The following ENTREP2 variants were observed in gnomAD, a reference collection of about 807,000 sequenced individuals.
ENTREP2 encodes the protein protein ENTREP2.
the ENTREP2 span, among the ~76,000 whole-genome samples, chr15:29,542,604 C>T: frequency 1.3e-5 from 2 of 152,206 alleles, no homozygotes; most frequent in Non-Finnish European, 2.9e-5. Context: ...GCGCCCGGCC[C>T]TCCTTAGCCA....
chr15:29,154,759 C>A, the ENTREP2 span, among the ~76,000 whole-genome samples: 2 of 152,222 alleles, frequency 1.3e-5, no homozygotes, highest in South Asian at 2.1e-4. Flanking sequence ...GTGTTCCAAT[C>A]TGTAACATCC....
chr15:29,165,440 A>G, the ENTREP2 span, among the ~76,000 whole-genome samples: 7 of 152,224 alleles, frequency 4.6e-5, no homozygotes, highest in African/African-American at 1.7e-4. Context: ...TAGTAAGATT[A>G]ACCAAGAAAA....
the ENTREP2 span, among the ~76,000 whole-genome samples, chr15:29,502,465 A>T: frequency 0.013 from 2,052 of 152,116 alleles, 38 homozygotes; most frequent in African/African-American, 0.047. Context: ...CCTAAATGTA[A>T]GGGCTATAAC....
chr15:29,331,363 TA>T, the ENTREP2 span, among the ~76,000 whole-genome samples: 607 of 152,026 alleles, frequency 4.0e-3, 3 homozygotes, highest in South Asian at 0.018. Context: ...CCTCTCATAC[TA>T]CCCTGTCATG....
the ENTREP2 span, among the ~76,000 whole-genome samples, chr15:29,348,103 A>C: frequency 0.12 from 17,639 of 152,190 alleles, 1,694 homozygotes; most frequent in African/African-American, 0.26. Flanking sequence ...CCAACCTTGC[A>C]CTAGAGTTTG....
chr15:29,511,759 G>A, the ENTREP2 span, among the ~76,000 whole-genome samples: 1 of 149,738 alleles, frequency 6.7e-6, no homozygotes, highest in East Asian at 2.0e-4. Flanking sequence ...TTCCAGCCTC[G>A]AAGGGTGCTC....
At chr15:29,126,847 G>A in the ENTREP2 span, among the ~76,000 whole-genome samples, 9 of 152,198 alleles carry the variant, frequency 5.9e-5, no homozygotes, top group Admixed American at 2.0e-4. Context: ...CCACCAGGTC[G>A]CGGCAGGCCA....
At chr15:29,378,520 C>T in the ENTREP2 span, among the ~76,000 whole-genome samples, 1 of 152,142 alleles carries the variant, frequency 6.6e-6, no homozygotes, top group African/African-American at 2.4e-5. Flanking sequence ...AGATTACCCT[C>T]CATAATGTAG....
chr15:29,451,966 T>C, the ENTREP2 span, among the ~76,000 whole-genome samples: 1 of 152,278 alleles, frequency 6.6e-6, no homozygotes, highest in African/African-American at 2.4e-5. Context: ...TAAGTAAATG[T>C]GTATTCACTA....
the ENTREP2 span, among the ~76,000 whole-genome samples, chr15:29,597,125 C>T: frequency 6.6e-6 from 1 of 151,918 alleles, no homozygotes; most frequent in Non-Finnish European, 1.5e-5. Context: ...CCTATTCAAT[C>T]ATCCCCCCAA....
the ENTREP2 span, among the ~76,000 whole-genome samples, chr15:29,478,808 G>A: frequency 6.6e-6 from 1 of 151,588 alleles, no homozygotes; most frequent in Non-Finnish European, 1.5e-5. Flanking sequence ...AGGAGGCTGA[G>A]GCAGGAGAAT....
chr15:29,163,468 A>G, the ENTREP2 span, among the ~76,000 whole-genome samples: 1 of 152,134 alleles, frequency 6.6e-6, no homozygotes, highest in African/African-American at 2.4e-5. Context: ...TTAAAGAAAA[A>G]AAAATAAATA....
At chr15:29,295,058 G>A in the ENTREP2 span, among the ~76,000 whole-genome samples, 16 of 152,348 alleles carry the variant, frequency 1.1e-4, no homozygotes, top group African/African-American at 3.1e-4. Context: ...AAAACAGGGT[G>A]ACAGGGGTCA....
At chr15:29,138,637 A>T in the ENTREP2 span, among the ~76,000 whole-genome samples, 1 of 150,526 alleles carries the variant, frequency 6.6e-6, no homozygotes, top group South Asian at 2.1e-4. Context: ...GTGCATGTGT[A>T]TATGTGTATG....
the ENTREP2 span, among the ~76,000 whole-genome samples, chr15:29,587,169 G>GTGTGTA: frequency 8.8e-4 from 124 of 141,388 alleles, 1 homozygote; most frequent in Middle Eastern, 0.011. Context: ...GTGTGTGTGT[G>GTGTGTA]TGTGTGTGTG....
At chr15:29,652,430 C>T in the ENTREP2 span, among the ~76,000 whole-genome samples, 1 of 152,246 alleles carries the variant, frequency 6.6e-6, no homozygotes, top group Non-Finnish European at 1.5e-5. Flanking sequence ...AGGGTAAGAA[C>T]TCAAGGTGCC....
the ENTREP2 span, among the ~76,000 whole-genome samples, chr15:29,391,633 C>T: frequency 6.6e-6 from 1 of 150,622 alleles, no homozygotes; most frequent in Admixed American, 6.6e-5. Flanking sequence ...CTCATTTGTC[C>T]AGGGCCTGCC....
At chr15:29,453,280 G>T in the ENTREP2 span, among the ~76,000 whole-genome samples, 7 of 152,220 alleles carry the variant, frequency 4.6e-5, no homozygotes, top group African/African-American at 1.4e-4. Context: ...GTGCTGCAAG[G>T]CACGGCAGGA....
the ENTREP2 span, among the ~76,000 whole-genome samples, chr15:29,220,304 G>T: frequency 1.2e-4 from 18 of 152,198 alleles, no homozygotes; most frequent in Non-Finnish European, 1.5e-5. Flanking sequence ...GATCAGAAAG[G>T]TTCCTATTAG....
Sources: gnomAD v4.1 joint callset for allele counts (sites outside exome capture counted in the v4.1 genomes callset) on GRCh38, gnomAD v4.1.1 for gene constraint, MANE v1.5 for transcripts, NCBI Gene and HGNC (gene_info 2026-07-23, HGNC 2026-07-21) for gene names.